Variants in SLC35F3 observed in about 807,000 individuals in gnomAD.
The protein encoded by SLC35F3 is solute carrier family 35 member F3.
A neutral mutation model predicts 49.9 loss-of-function variants in SLC35F3; 25 were observed. That is an observed-to-expected ratio of 0.50 (90% CI 0.37 to 0.70). The LOEUF (loss-of-function observed/expected upper bound fraction) is 0.70, where lower values mean the gene tolerates loss of function less well. Among genes scored for constraint, SLC35F3 ranks in the 30% least tolerant of loss-of-function variants. The probability of loss-of-function intolerance (pLI) is 0.00; values close to 1 mark genes in which losing one functional copy is unlikely to be tolerated. For missense variants in SLC35F3, 525 were observed against 639.8 expected (o/e 0.82, Z 1.94); for synonymous variants, 275 against 265.4 (o/e 1.04, Z -0.35).
intron 3 of SLC35F3, among the ~76,000 whole-genome samples, chr1:234,277,786 G>A (rs1437304693): frequency 6.6e-6 from 1 of 152,198 alleles, no homozygotes; most frequent in Non-Finnish European, 1.5e-5. Context: ...CAAGACTGAT[G>A]GTTTTATATT....
At chr1:234,100,466 G>T (rs899142602) in intron 2 of SLC35F3, among the ~76,000 whole-genome samples, 6 of 152,204 alleles carry the variant, frequency 3.9e-5, no homozygotes, top group Non-Finnish European at 7.3e-5. Context: ...CAAGAAGCTG[G>T]TGTTGCCTTG....
In SLC35F3 at chr1:234,275,763, A is replaced by ATATAT. The variant is rs1553260466; in HGVS notation, c.609-33338_609-33337insTATAT. On this transcript the variant is annotated intron_variant, in intron 3 of 7. Coordinates refer to ENST00000366618, the MANE Select transcript of SLC35F3 (RefSeq NM_173508.4). ...CATTGGTAAGTATTGAAAAAAAAAA[A>ATATAT]ATATATATATATATATATAGCACAG... is the stretch of plus-strand genomic sequence containing the variant. 2.5e-4 allele frequency among the ~76,000 whole-genome samples: 34 copies of ATATAT among 135,532 alleles called. 1 individual carries two copies. The highest frequency in any genetic ancestry group is 6.6e-4 in the East Asian group (3 of 4,568). The allele number at this position is 135,532 out of a possible 152,430, so 88.9% of individuals were successfully genotyped here.
In SLC35F3 at chr1:233,909,025, AT is replaced by A. The variant is rs567457441; in HGVS notation, c.283+3272del. 6.6e-3 allele frequency among the ~76,000 whole-genome samples: 941 copies of A among 141,666 alleles called. 9 individuals carry two copies. The highest frequency in any genetic ancestry group is 0.024 in the African/African-American group (910 of 37,832). The allele number at this position is 141,666 out of a possible 152,430, so 92.9% of individuals were successfully genotyped here. ...AGGCACCCACCACCATGCCCGGCTA[AT>A]TTTTGTATTTTTAGTAGAGACAGGG... is the stretch of plus-strand genomic sequence containing the variant. On this transcript the variant is annotated intron_variant, in intron 2 of 7. Coordinates refer to ENST00000366618, the MANE Select transcript of SLC35F3 (RefSeq NM_173508.4).
intron 2 of SLC35F3, among the ~76,000 whole-genome samples, chr1:234,074,670 C>A (rs751426024): frequency 1.3e-5 from 2 of 152,152 alleles, no homozygotes; most frequent in African/African-American, 2.4e-5. Flanking sequence ...AGAAGGTGAT[C>A]TTTTCTCAGA....
chr1:234,053,980 T>G (rs1664418653), intron 2 of SLC35F3, among the ~76,000 whole-genome samples: 1 of 152,220 alleles, frequency 6.6e-6, no homozygotes, highest in South Asian at 2.1e-4. Context: ...CCCACTCTCT[T>G]CTGGCTTGTA....
At chr1:234,119,963 C>G (rs1303463478) in intron 2 of SLC35F3, among the ~76,000 whole-genome samples, 2 of 152,236 alleles carry the variant, frequency 1.3e-5, no homozygotes, top group Non-Finnish European at 2.9e-5. Context: ...CTGAGAAGGC[C>G]TTGCCAAGTA....
intron 2 of SLC35F3, among the ~76,000 whole-genome samples, chr1:234,219,197 A>C (rs1279792032): frequency 1.3e-5 from 2 of 151,936 alleles, no homozygotes; most frequent in Non-Finnish European, 2.9e-5. Flanking sequence ...GGGTGATCTC[A>C]GCTGCCCCCA....
At chr1:234,041,647 T>G (rs557186234) in intron 2 of SLC35F3, among the ~76,000 whole-genome samples, 1 of 152,194 alleles carries the variant, frequency 6.6e-6, no homozygotes, top group Non-Finnish European at 1.5e-5. Flanking sequence ...TTGCAAATAC[T>G]CTTCTAATCA....
intron 2 of SLC35F3, among the ~76,000 whole-genome samples, chr1:234,210,822 A>G (rs1667036624): frequency 6.6e-6 from 1 of 152,248 alleles, no homozygotes; most frequent in Non-Finnish European, 1.5e-5. Context: ...ATTCAAGCCA[A>G]CTGCAGAAAT....
At chr1:234,264,380 C>T (rs1220150261) in intron 3 of SLC35F3, among the ~76,000 whole-genome samples, 1 of 152,118 alleles carries the variant, frequency 6.6e-6, no homozygotes, top group Non-Finnish European at 1.5e-5. Flanking sequence ...CCAGGTGCCA[C>T]CTTATTTATC....
intron 3 of SLC35F3, 86 bp from the exon 4 acceptor site, chr1:234,309,015 T>TTAAA (rs1657281691): frequency 6.3e-6 from 6 of 951,494 alleles, no homozygotes; most frequent in Middle Eastern, 5.9e-4. Flanking sequence ...TATATTTGCT[T>TTAAA]AAAAAAAAAA....
At chr1:234,245,317 G>A (rs1667613909) in intron 3 of SLC35F3, among the ~76,000 whole-genome samples, 2 of 152,210 alleles carry the variant, frequency 1.3e-5, no homozygotes, top group Admixed American at 1.3e-4. Context: ...TTTTACAGCG[G>A]AATGGTATTC....
At chr1:234,104,815 G>T (rs891560133) in intron 2 of SLC35F3, among the ~76,000 whole-genome samples, 1 of 152,210 alleles carries the variant, frequency 6.6e-6, no homozygotes, top group Non-Finnish European at 1.5e-5. Flanking sequence ...GATGAAAGCA[G>T]ACTGTGTCAT....
rs1359467861 is a variant in SLC35F3, at chr1:234,314,898, T to C, written c.829-1704T>C. Among the ~76,000 whole-genome samples the C allele has an allele frequency of 2.6e-5, 4 of 152,330 alleles. No homozygotes were observed. In the South Asian group the frequency reaches 8.3e-4, roughly 32 times the overall value. On this transcript the variant is annotated intron_variant, in intron 4 of 7. Coordinates refer to ENST00000366618, the MANE Select transcript of SLC35F3 (RefSeq NM_173508.4). The stretch of plus-strand genomic sequence containing the variant: ...CCTCTGATGCCTGCCCGGTTTGGCG[T>C]GTTCCTGACAGCCCCCTTGCATTAC...
chr1:234,065,178 C>T (rs923727668), intron 2 of SLC35F3, among the ~76,000 whole-genome samples: 4 of 151,588 alleles, frequency 2.6e-5, no homozygotes, highest in African/African-American at 7.3e-5. Flanking sequence ...GACAAAGTCT[C>T]GCTCTGTCTC....
chr1:234,009,936 T>G (rs1015679663), intron 2 of SLC35F3, among the ~76,000 whole-genome samples: 1 of 152,180 alleles, frequency 6.6e-6, no homozygotes, highest in Admixed American at 6.5e-5. Flanking sequence ...GCCAAGAGAT[T>G]TATCACTACT....
intron 2 of SLC35F3, among the ~76,000 whole-genome samples, chr1:234,182,101 A>G (rs1666566512): frequency 6.6e-6 from 1 of 152,180 alleles, no homozygotes; most frequent in African/African-American, 2.4e-5. Flanking sequence ...TGGATTTCTA[A>G]TATCTCCTAA....
At chr1:234,261,841 A>G (rs1667910432) in intron 3 of SLC35F3, 1 of 152,192 alleles carries the variant, frequency 6.6e-6, no homozygotes, top group Non-Finnish European at 1.5e-5. Flanking sequence ...TGCACCCGCT[A>G]AGGATATGCA....
chr1:234,203,802 A>G (rs1666933482), intron 2 of SLC35F3, among the ~76,000 whole-genome samples: 1 of 152,196 alleles, frequency 6.6e-6, no homozygotes, highest in African/African-American at 2.4e-5. Flanking sequence ...CTCAAGGAAA[A>G]AATAACTCAC....
Sources: gnomAD v4.1 joint callset for allele counts (sites outside exome capture counted in the v4.1 genomes callset) on GRCh38, gnomAD v4.1.1 for gene constraint, MANE v1.5 for transcripts, NCBI Gene and HGNC (gene_info 2026-07-23, HGNC 2026-07-21) for gene names.